Variants in CLK4 observed in about 807,000 individuals in gnomAD.
CLK4 encodes the protein dual specificity protein kinase CLK4.
Under a neutral mutation model 64.4 loss-of-function variants are expected in CLK4, and 37 were observed. That is an observed-to-expected ratio of 0.57 (90% confidence interval 0.44 to 0.76). The LOEUF (loss-of-function observed/expected upper bound fraction) is 0.76. CLK4 is among the 30% of genes least tolerant of loss of function. The pLI is 0.00. For missense variants in CLK4, 457 were observed against 605.1 expected (o/e 0.76, Z 2.57); for synonymous variants, 175 against 191.6 (o/e 0.91, Z 0.72).
rs1409795376 is a variant in CLK4, at chr5:178,618,620, C to T, written c.320G>A (p.Arg107His). 9 of 1,613,912 alleles carry T rather than the reference C, an allele frequency of 5.6e-6. No individual in the cohort carries two copies. The highest frequency in any genetic ancestry group is 3.3e-5 in the South Asian group (3 of 91,088). ...YRIHCSKSSV[R>H]SRRSSPKRKR... ...CCTTTTAGGACTGCTTCTCCTGCTGCGGACTGAAGATTTACTGCAGTGGAT... is the reference window on the plus strand; with the variant it reads ...CCTTTTAGGACTGCTTCTCCTGCTGTGGACTGAAGATTTACTGCAGTGGAT... Residue 107 changes from arginine (R) to histidine (H), a missense_variant, in exon 3 of 13, where the codon CGC becomes CAC. Coordinates refer to ENST00000316308, the MANE Select transcript of CLK4 (RefSeq NM_020666.3).
rs1764644356 is a variant in CLK4, at chr5:178,617,748, A to G, written c.385-314T>C. Reference sequence around the variant, plus strand: ...TGAAGTCTGAAATTTAAAGAATGCAATGTCATGATTTACTTATCTCTTGCT... The same window carrying G: ...TGAAGTCTGAAATTTAAAGAATGCAGTGTCATGATTTACTTATCTCTTGCT... On this transcript the variant is annotated intron_variant, in intron 3 of 12. Coordinates refer to ENST00000316308, the MANE Select transcript of CLK4 (RefSeq NM_020666.3). The surrounding 1 kb of genome is among the most constrained non-coding windows in gnomAD (Gnocchi z 5.2). 5.2e-6 allele frequency: 1 copy of G among 194,082 alleles called. No homozygotes were observed. Among genetic ancestry groups the G allele is most frequent in the Admixed American group, 5.6e-5 (1 of 17,840 alleles). The allele number at this position is 194,082 out of a possible 1,614,324, so 12.0% of individuals were successfully genotyped here. A position where few individuals can be genotyped will look rare whatever the true frequency, so the allele number is the denominator to read the frequency against.
chr5:178,626,334 G>C (rs866636702), intron 1 of CLK4, among the ~76,000 whole-genome samples: 1 of 152,316 alleles, frequency 6.6e-6, no homozygotes, highest in African/African-American at 2.4e-5. Context: ...ACGCAGGTTC[G>C]CTGCAACAAT....
chr5:178,606,443 A>G (rs190931624), intron 10 of CLK4, among the ~76,000 whole-genome samples: 1 of 152,266 alleles, frequency 6.6e-6, no homozygotes, highest in East Asian at 1.9e-4. Context: ...AAATCTGGCG[A>G]GGTGCCCCAC....
chr5:178,623,308 T>A lies in CLK4; in HGVS notation c.109A>T (p.Thr37Ser). The A allele has an allele frequency of 6.2e-7, 1 of 1,614,038 alleles. No homozygotes were observed. Among genetic ancestry groups the A allele is most frequent in the Middle Eastern group, 1.6e-4 (1 of 6,062 alleles). ...GGTTTACAATGCCTGTTCTCTTGTG[T>A]GCTACTATGAGATCTCCTCTTCCGC... ...HKRKRRSHSSTQENRHCKPHH... is the reference protein window; with the variant it reads ...HKRKRRSHSSSQENRHCKPHH... The change falls in exon 2 of 13, where the codon ACA becomes TCA. Residue 37 changes from threonine (T) to serine (S), a missense_variant. Thr to Ser is a moderately conservative substitution (Grantham distance 58). Transcript: ENST00000316308.
rs989034869 is a variant in CLK4 at position 178,613,374 on chromosome 5, G to A, written c.826+99C>T. 3.0e-5 allele frequency: 24 copies of A among 793,870 alleles called. No individual in the cohort carries two copies. The Middle Eastern group carries it at 1.3e-3, about 44-fold the overall frequency. The allele number at this position is 793,870 out of a possible 1,614,324, so 49.2% of individuals were successfully genotyped here. A position where few individuals can be genotyped will look rare whatever the true frequency, so the allele number is the denominator to read the frequency against. ...AGGCTGAGCTTGCTGGGACCCGAGA[G>A]CGCCACTGCACTCCAGCCTGGGTGA... On this transcript the variant is annotated intron_variant, in intron 7 of 12. Transcript: ENST00000316308.
intron 1 of CLK4, among the ~76,000 whole-genome samples, chr5:178,626,408 T>C (rs1764780268): frequency 6.6e-6 from 1 of 152,218 alleles, no homozygotes; most frequent in Non-Finnish European, 1.5e-5. Flanking sequence ...AAGCAGCTAC[T>C]GCCCTCAACC....
At chr5:178,605,420 T>C (rs1468624282) in intron 10 of CLK4, 38 bp from the exon 11 acceptor site, 2 of 1,212,112 alleles carry the variant, frequency 1.7e-6, no homozygotes, top group Admixed American at 2.6e-5. Context: ...GTACTCTCCA[T>C]TTCCCTACAA....
At chr5:178,619,300 A>C (rs940202595) in intron 2 of CLK4, among the ~76,000 whole-genome samples, 2 of 152,248 alleles carry the variant, frequency 1.3e-5, no homozygotes, top group Non-Finnish European at 2.9e-5. Context: ...TGATTTACCA[A>C]GGTTGTATAA....
chr5:178,603,564 G>C lies in CLK4; in HGVS notation c.*53C>G. 7.6e-7 allele frequency: 1 copy of C among 1,321,898 alleles called. No individual in the cohort carries two copies. 81.9% of individuals were successfully genotyped at this position (1,321,898 alleles called of 1,614,324 possible). Reference sequence around the variant, plus strand: ...TTAGAATGTTTAGTTGACTGACACAGTCTTAAGTAATCTCTTCTAGAGAAG... The same window carrying C: ...TTAGAATGTTTAGTTGACTGACACACTCTTAAGTAATCTCTTCTAGAGAAG... On this transcript the variant is annotated 3_prime_UTR_variant, in exon 13 of 13. Transcript: ENST00000316308.
Position 178,617,752 on chromosome 5 carries a change from C to T in CLK4, c.385-318G>A, listed in dbSNP as rs1764644439. ...GTCTGAAATTTAAAGAATGCAATGT[C>T]ATGATTTACTTATCTCTTGCTATAA... On this transcript the variant is annotated intron_variant, in intron 3 of 12. Transcript: ENST00000316308. The surrounding 1 kb of genome is among the most constrained non-coding windows in gnomAD (Gnocchi z 5.2). 1 of 188,864 alleles carries T rather than the reference C, an allele frequency of 5.3e-6. No homozygotes were observed. Among genetic ancestry groups the T allele is most frequent in the Non-Finnish European group, 1.1e-5 (1 of 91,722 alleles). The allele number at this position is 188,864 out of a possible 1,614,324, so 11.7% of individuals were successfully genotyped here.
At position 178,612,781 on chromosome 5, in the gene CLK4, A is replaced by G; in HGVS notation, c.921+15T>C. ...TAAAGACAACCACCCAAATTAAAAC[A>G]AGTCTTTAACTTACCATTTTAGAAT... On this transcript the variant is annotated intron_variant, in intron 8 of 12. Transcript: ENST00000316308. 1.5e-6 allele frequency: 2 copies of G among 1,374,720 alleles called. No individual in the cohort carries two copies. The highest frequency in any genetic ancestry group is 4.6e-5 in the East Asian group (2 of 43,618). The allele number at this position is 1,374,720 out of a possible 1,614,324, so 85.2% of individuals were successfully genotyped here.
chr5:178,603,685 G>A lies in CLK4; in HGVS notation c.1378C>T (p.Pro460Ser), dbSNP rs1369993178. Reference protein sequence around the residue: ...DLVRRMLEYDPTQRITLDEAL... With the variant: ...DLVRRMLEYDSTQRITLDEAL... ...TCATCCAAGGTAATTCTTTGAGTTGGATCATATTCTAACATTCTTCGAACC... is the reference window on the plus strand; with the variant it reads ...TCATCCAAGGTAATTCTTTGAGTTGAATCATATTCTAACATTCTTCGAACC... Residue 460 changes from proline to serine, a missense_variant, in exon 13 of 13, where the codon CCA becomes TCA. Coordinates refer to ENST00000316308, the MANE Select transcript of CLK4 (RefSeq NM_020666.3). 6.2e-7 allele frequency: 1 copy of A among 1,605,070 alleles called. No individual in the cohort carries two copies. The highest frequency in any genetic ancestry group is 8.5e-7 in the Non-Finnish European group (1 of 1,177,086).
Position 178,603,576 on chromosome 5 carries a change from C to A in CLK4, c.*41G>T. The A allele has an allele frequency of 7.1e-7, 1 of 1,407,364 alleles. No individual in the cohort carries two copies. Among genetic ancestry groups the A allele is most frequent in the South Asian group, 1.5e-5 (1 of 64,862 alleles). 87.2% of individuals were successfully genotyped at this position (1,407,364 alleles called of 1,614,324 possible). On this transcript the variant is annotated 3_prime_UTR_variant, in exon 13 of 13. Coordinates refer to ENST00000316308, the MANE Select transcript of CLK4 (RefSeq NM_020666.3). ...GTTGACTGACACAGTCTTAAGTAAT[C>A]TCTTCTAGAGAAGTATATAGTAAGA... is the stretch of plus-strand genomic sequence containing the variant.
chr5:178,604,084 A>G (rs1764424991), intron 11 of CLK4, 150 bp from the exon 12 acceptor site: 1 of 536,446 alleles, frequency 1.9e-6, no homozygotes, highest in Non-Finnish European at 3.2e-6. Context: ...AACCTCAGCA[A>G]CAATTATATA....
chr5:178,611,086 A>AG (rs567857210), intron 9 of CLK4, among the ~76,000 whole-genome samples: 3,797 of 150,124 alleles, frequency 0.025, 95 homozygotes, highest in African/African-American at 0.064. Context: ...GAAAAAAAAA[A>AG]GGGGGGGGTT....
chr5:178,613,714 A>C lies in CLK4; in HGVS notation c.659+13T>G. ...ATGTAATATGATGGCTCCTAGGTGA[A>C]AGTTATACTTACAAGACACTATTGG... On this transcript the variant is annotated intron_variant, in intron 6 of 12. Transcript: ENST00000316308. 1 of 1,608,592 alleles carries C rather than the reference A, an allele frequency of 6.2e-7. No individual in the cohort carries two copies.
intron 5 of CLK4, among the ~76,000 whole-genome samples, chr5:178,616,167 G>A (rs560839833): frequency 1.1e-4 from 16 of 152,104 alleles, no homozygotes; most frequent in African/African-American, 3.4e-4. Context: ...TTGGCTCACC[G>A]CAACCTCCGC....
In CLK4 at chr5:178,617,255, AAG is replaced by A. The variant is rs749633364; in HGVS notation, c.475+87_475+88del. 2 of 1,005,172 alleles carry A rather than the reference AAG, an allele frequency of 2.0e-6. No individual in the cohort carries two copies. The highest frequency in any genetic ancestry group is 1.6e-5 in the African/African-American group (1 of 62,546). The allele number at this position is 1,005,172 out of a possible 1,614,324, so 62.3% of individuals were successfully genotyped here. ...CAAAAAGCAAAATAAAAAAGCAATGAAGAGTTCTTTAGCCCCCCGCTGACAAA... is the reference window on the plus strand; with the variant it reads ...CAAAAAGCAAAATAAAAAAGCAATGAAGTTCTTTAGCCCCCCGCTGACAAA... On this transcript the variant is annotated intron_variant, in intron 4 of 12. Transcript: ENST00000316308. This position sits in a 1 kb window ranked among gnomAD's most constrained non-coding sequence, Gnocchi z 5.2.
chr5:178,623,533 A>G, intron 1 of CLK4, 117 bp from the exon 2 acceptor site: 1 of 854,856 alleles, frequency 1.2e-6, no homozygotes, highest in Non-Finnish European at 1.6e-6. Context: ...TACAGGCTCC[A>G]AAATCTTTTT....
Sources: allele counts gnomAD v4.1 joint callset (sites outside exome capture counted in the v4.1 genomes callset), GRCh38; gene constraint gnomAD v4.1.1; non-coding constraint Gnocchi (gnomAD v3.1); transcripts MANE v1.5; gene names NCBI Gene and HGNC (gene_info 2026-07-23, HGNC 2026-07-21).